DLG2: variants seen among roughly 807,000 people sequenced by gnomAD.
The protein encoded by DLG2 is disks large homolog 2.
A neutral mutation model predicts 132.5 loss-of-function variants in DLG2; 45 were observed. The ratio of observed to expected loss-of-function variants is 0.34; its 90% CI spans 0.27 to 0.44. DLG2 has a LOEUF of 0.44. DLG2 is among the 20% of genes least tolerant of loss of function. The probability of loss-of-function intolerance (pLI) is 1.00; values close to 1 mark genes in which losing one functional copy is unlikely to be tolerated. For synonymous variants in DLG2, 424 were observed against 419.6 expected (o/e 1.01, Z -0.13); for missense variants, 1,045 against 1,196.9 (o/e 0.87, Z 1.87).
intron 9 of DLG2, among the ~76,000 whole-genome samples, chr11:84,122,670 G>A (rs2093984786): frequency 6.6e-6 from 1 of 152,172 alleles, no homozygotes. Flanking sequence ...TTTATAAGCT[G>A]AATAAACTAA....
intron 18 of DLG2, among the ~76,000 whole-genome samples, chr11:83,714,539 G>C (rs991203833): frequency 6.6e-6 from 1 of 152,108 alleles, no homozygotes; most frequent in African/African-American, 2.4e-5. Context: ...AGGATATATT[G>C]AAGTGAATGT....
chr11:85,232,022 A>G (rs1467533670), intron 4 of DLG2, among the ~76,000 whole-genome samples: 1 of 151,804 alleles, frequency 6.6e-6, no homozygotes, highest in Admixed American at 6.6e-5. Context: ...CAGTTCTCTC[A>G]TATCTAGTAT....
intron 4 of DLG2, among the ~76,000 whole-genome samples, chr11:85,238,417 T>C (rs2075710379): frequency 6.6e-6 from 1 of 151,780 alleles, no homozygotes; most frequent in Non-Finnish European, 1.5e-5. Flanking sequence ...CTATTTTTTG[T>C]ATTTTTAGTA....
At chr11:85,439,891 ATAAAG>A (rs969817183) in intron 3 of DLG2, among the ~76,000 whole-genome samples, 2 of 152,216 alleles carry the variant, frequency 1.3e-5, no homozygotes, top group Admixed American at 1.3e-4. Context: ...GGAAGAGAAT[ATAAAG>A]TATAGATTAG....
chr11:85,048,263 A>G (rs901698719), intron 6 of DLG2, among the ~76,000 whole-genome samples: 2 of 152,070 alleles, frequency 1.3e-5, no homozygotes, highest in African/African-American at 4.8e-5. Context: ...TTGTCCTTCT[A>G]TGCAATATTA....
At chr11:85,073,880 C>G (rs1245158351) in intron 6 of DLG2, among the ~76,000 whole-genome samples, 1 of 151,706 alleles carries the variant, frequency 6.6e-6, no homozygotes, top group African/African-American at 2.4e-5. Context: ...GATAAAGAAT[C>G]TGTGGTATAT....
At chr11:84,441,854 A>C (rs531699661) in intron 7 of DLG2, among the ~76,000 whole-genome samples, 4 of 152,280 alleles carry the variant, frequency 2.6e-5, no homozygotes, top group African/African-American at 9.6e-5. Context: ...AGTTTTCCCA[A>C]CACCATTTAT....
rs137907910 is a variant in DLG2 at position 83,734,951 on chromosome 11, C to T, written c.1825+51739G>A. 2.3e-3 allele frequency among the ~76,000 whole-genome samples: 344 copies of T among 152,024 alleles called. 2 individuals are homozygous for T. Among genetic ancestry groups the T allele is most frequent in the Middle Eastern group, 0.017 (5 of 292 alleles). On this transcript the variant is annotated intron_variant, in intron 18 of 27. Transcript: ENST00000376104. ...TGTCGTACACCACACACAAACAAGG[C>T]GCCCCACACAGATTGTGCAGAACTT...
chr11:84,402,285 C>A (rs551701399), intron 7 of DLG2, among the ~76,000 whole-genome samples: 8 of 152,128 alleles, frequency 5.3e-5, no homozygotes, highest in African/African-American at 1.7e-4. Context: ...ATTATTTATC[C>A]CTCTCAATCC....
intron 3 of DLG2, among the ~76,000 whole-genome samples, chr11:85,501,699 C>T (rs1395714003): frequency 6.6e-6 from 1 of 152,096 alleles, no homozygotes; most frequent in Non-Finnish European, 1.5e-5. Flanking sequence ...TAGAGAAATG[C>T]AAATCAAAAC....
At chr11:84,007,666 ATC>A (rs2094639121) in intron 11 of DLG2, among the ~76,000 whole-genome samples, 1 of 151,690 alleles carries the variant, frequency 6.6e-6, no homozygotes, top group African/African-American at 2.4e-5. Flanking sequence ...CTTTTAATGG[ATC>A]TGTTTTCTAA....
At chr11:85,310,615 A>G (rs1038761154) in intron 3 of DLG2, among the ~76,000 whole-genome samples, 1 of 152,206 alleles carries the variant, frequency 6.6e-6, no homozygotes, top group African/African-American at 2.4e-5. Context: ...GACTGGTGGG[A>G]TAGCAAACCC....
At chr11:84,600,168 GA>G (rs1565419123) in intron 6 of DLG2, among the ~76,000 whole-genome samples, 2 of 110,900 alleles carry the variant, frequency 1.8e-5, no homozygotes, top group Non-Finnish European at 3.8e-5. Context: ...AGGAAAGAAA[GA>G]AAGAAAGAAA....
At chr11:84,685,126 C>T (rs992950437) in intron 6 of DLG2, among the ~76,000 whole-genome samples, 2 of 152,160 alleles carry the variant, frequency 1.3e-5, no homozygotes, top group Non-Finnish European at 2.9e-5. Context: ...AGTGAGTTGT[C>T]CAAGGTTACA....
chr11:83,791,319 T>C (rs1006344144), intron 17 of DLG2: 1 of 674,832 alleles, frequency 1.5e-6, no homozygotes, highest in Non-Finnish European at 2.6e-6. Context: ...TTGGCTTCTG[T>C]TTGGCAGAAA....
At chr11:84,177,998 A>G (rs183753515) in intron 8 of DLG2, among the ~76,000 whole-genome samples, 10 of 71,990 alleles carry the variant, frequency 1.4e-4, no homozygotes, top group Non-Finnish European at 3.5e-4. Context: ...GTTAAAAATG[A>G]TTGATTAAAA....
intron 5 of DLG2, among the ~76,000 whole-genome samples, chr11:85,130,387 A>G (rs973005420): frequency 1.3e-5 from 2 of 152,146 alleles, no homozygotes; most frequent in Admixed American, 6.6e-5. Context: ...AAAATGGCAG[A>G]ACTCAGAGCT....
intron 27 of DLG2, 142 bp downstream of exon 27, chr11:83,461,860 C>G: frequency 1.6e-6 from 1 of 627,212 alleles, no homozygotes; most frequent in East Asian, 2.8e-5. Context: ...CAGAGGGATA[C>G]TCCTTGTATA....
intron 16 of DLG2, 39 bp downstream of exon 16, chr11:83,874,381 A>C (rs1229909022): frequency 2.1e-6 from 3 of 1,449,492 alleles, no homozygotes; most frequent in Non-Finnish European, 1.9e-6. Context: ...TCATATTCCA[A>C]GGCTGCACAG....
Sources: allele counts gnomAD v4.1 joint callset (sites outside exome capture counted in the v4.1 genomes callset), GRCh38; gene constraint gnomAD v4.1.1; transcripts MANE v1.5; gene names NCBI Gene and HGNC (gene_info 2026-07-23, HGNC 2026-07-21).